The following EVC variants were observed in gnomAD, a reference collection of about 807,000 sequenced individuals.
EVC encodes evC complex member EVC.
A neutral mutation model predicts 118.9 loss-of-function variants in EVC; 116 were observed. The observed-to-expected ratio is 0.98, with a 90% CI of 0.84 to 1.14. The LOEUF is 1.14. Ranked by LOEUF, EVC falls within the 50% of genes most tolerant of loss-of-function variation. The probability of loss-of-function intolerance (pLI) is 0.00; values close to 1 mark genes in which losing one functional copy is unlikely to be tolerated. For synonymous variants in EVC, 619 were observed against 534.7 expected (o/e 1.16, Z -2.18); for missense variants, 1,401 against 1,246.4 (o/e 1.12, Z -1.87).
chr4:5,732,030 C>G (rs1726907741), intron 4 of EVC, among the ~76,000 whole-genome samples: 1 of 152,152 alleles, frequency 6.6e-6, no homozygotes, highest in African/African-American at 2.4e-5. Flanking sequence ...GAGGGGGATC[C>G]TGGGACAAGT....
rs887640119 is a variant in EVC, at chr4:5,742,456, T to C, written c.801+642T>C. ...CATTATCACCACCAGTTTTATTTTG[T>C]ATCACCATCACCACCACTATTACTA... is the stretch of plus-strand genomic sequence containing the variant. On this transcript the variant is annotated intron_variant, in intron 6 of 20. Coordinates refer to ENST00000264956, the MANE Select transcript of EVC (RefSeq NM_153717.3). The surrounding 1 kb of genome is among the most constrained non-coding windows in gnomAD (Gnocchi z 5.2). 9.2e-5 allele frequency among the ~76,000 whole-genome samples: 14 copies of C among 152,134 alleles called. No homozygotes were observed. Among genetic ancestry groups the C allele is most frequent in the African/African-American group, 3.1e-4 (13 of 41,426 alleles).
chr4:5,734,123 T>C (rs991446271), intron 5 of EVC, among the ~76,000 whole-genome samples: 1 of 151,888 alleles, frequency 6.6e-6, no homozygotes, highest in African/African-American at 2.4e-5. Flanking sequence ...GAGAGAGGAG[T>C]CCCACTTTAG....
chr4:5,735,240 G>C (rs1179117494), intron 5 of EVC, among the ~76,000 whole-genome samples: 1 of 152,240 alleles, frequency 6.6e-6, no homozygotes, highest in Non-Finnish European at 1.5e-5. Flanking sequence ...CATCATGCGA[G>C]TGTGAAGGGG....
intron 11 of EVC, among the ~76,000 whole-genome samples, chr4:5,774,648 G>C (rs977840937): frequency 4.6e-5 from 7 of 152,068 alleles, no homozygotes; most frequent in Non-Finnish European, 1.0e-4. Flanking sequence ...AGACAGCTGA[G>C]TGAAGGAGCA....
intron 5 of EVC, among the ~76,000 whole-genome samples, chr4:5,736,279 C>T (rs994638076): frequency 2.8e-5 from 4 of 145,172 alleles, no homozygotes; most frequent in African/African-American, 1.1e-4. Context: ...TTGCATAGAA[C>T]TACACACACA....
downstream of EVC, among the ~76,000 whole-genome samples, chr4:5,814,547 G>A (rs969436903): frequency 2.6e-5 from 4 of 152,252 alleles, no homozygotes; most frequent in Non-Finnish European, 4.4e-5. Context: ...CCTTATGGGC[G>A]GCGTTCCCTG....
At chr4:5,715,044 G>C (rs1244378867) in intron 1 of EVC, among the ~76,000 whole-genome samples, 2 of 151,766 alleles carry the variant, frequency 1.3e-5, no homozygotes, top group Non-Finnish European at 2.9e-5. Context: ...AAACTCCTGG[G>C]CTCAAGCAGT....
Position 5,733,352 on chromosome 4 carries a change from G to A in EVC, c.619G>A (p.Val207Ile). 1.2e-6 allele frequency: 2 copies of A among 1,613,492 alleles called. No homozygotes were observed. Among genetic ancestry groups the A allele is most frequent in the Non-Finnish European group, 1.7e-6 (2 of 1,179,468 alleles). ...AFPEVLACES[V>I]DVDLCIYSLH... is the part of the protein sequence containing the mutation. ...TCCGCTTCTCATTTTATTTTGCAGT[G>A]TAGACGTTGACCTGTGTATCTACAG... Residue 207 changes from valine to isoleucine, a missense_variant and splice_region_variant, in exon 5 of 21, where the codon GTA becomes ATA. Physicochemically the swap from Val to Ile is conservative, Grantham distance 29. Coordinates refer to ENST00000264956, the MANE Select transcript of EVC (RefSeq NM_153717.3).
chr4:5,771,112 A>C (rs1393116387), intron 11 of EVC, among the ~76,000 whole-genome samples: 2 of 152,134 alleles, frequency 1.3e-5, no homozygotes, highest in African/African-American at 4.8e-5. Context: ...ACTATAACTA[A>C]TGACCACAAA....
intron 16 of EVC, among the ~76,000 whole-genome samples, chr4:5,803,603 C>T (rs1715372593): frequency 6.6e-6 from 1 of 152,230 alleles, no homozygotes; most frequent in African/African-American, 2.4e-5. Flanking sequence ...GATACCCCAG[C>T]TCTCATGCAG....
chr4:5,805,895 T>TC, intron 17 of EVC, among the ~76,000 whole-genome samples: 2 of 149,040 alleles, frequency 1.3e-5, no homozygotes, highest in African/African-American at 2.4e-5. Flanking sequence ...TCTTTTCTTT[T>TC]TTTTTTTTTT....
chr4:5,792,974 G>C (rs1577597534), intron 12 of EVC, among the ~76,000 whole-genome samples: 1 of 152,242 alleles, frequency 6.6e-6, no homozygotes, highest in East Asian at 1.9e-4. Context: ...TCTCCAAATT[G>C]ATCTGTAAAA....
chr4:5,781,314 C>A (rs762731655), intron 11 of EVC, among the ~76,000 whole-genome samples: 2 of 152,128 alleles, frequency 1.3e-5, no homozygotes, highest in Non-Finnish European at 2.9e-5. Flanking sequence ...CCTAGCGCGA[C>A]AAAGCCGCTA....
chr4:5,741,836 C>A, intron 6 of EVC, 22 bp downstream of exon 6: 2 of 1,298,634 alleles, frequency 1.5e-6, no homozygotes, highest in East Asian at 2.3e-5. Flanking sequence ...ACCTATGTTT[C>A]AAGGTAACTT....
At position 5,719,278 on chromosome 4, in the gene EVC, T is replaced by G; in HGVS notation, c.205T>G (p.Leu69Val). ...KDDTQNLLKN[L>V]ESNAQTPSET... ...CGACACTCAAAATCTGCTCAAGAAT[T>G]TGGAGTCTAATGCGCAGACCCCCTC... The change falls in exon 2 of 21, where the codon TTG becomes GTG. Residue 69 changes from leucine (L) to valine (V), a missense_variant. Transcript: ENST00000264956. The surrounding 1 kb of genome is among the most constrained non-coding windows in gnomAD (Gnocchi z 4.7). The G allele has an allele frequency of 6.2e-7, 1 of 1,614,086 alleles. No homozygotes were observed. The highest frequency in any genetic ancestry group is 8.5e-7 in the Non-Finnish European group (1 of 1,180,026).
chr4:5,787,408 A>T (rs574778256), intron 12 of EVC, among the ~76,000 whole-genome samples: 1 of 152,352 alleles, frequency 6.6e-6, no homozygotes, highest in African/African-American at 2.4e-5. Flanking sequence ...AAGGGTCCTT[A>T]TAAGTGAAAA....
chr4:5,784,712 A>G (rs1577568878), intron 12 of EVC, among the ~76,000 whole-genome samples: 3 of 144,814 alleles, frequency 2.1e-5, no homozygotes, highest in South Asian at 4.3e-4. Context: ...GGTTCAAGCG[A>G]TTCTCCTGCC....
intron 11 of EVC, among the ~76,000 whole-genome samples, chr4:5,780,487 T>A (rs1388744461): frequency 6.6e-6 from 1 of 152,220 alleles, no homozygotes; most frequent in African/African-American, 2.4e-5. Context: ...TATAATAGAA[T>A]GCCTTGATTG....
chr4:5,817,726 G>A (rs961464050), downstream of EVC, among the ~76,000 whole-genome samples: 7 of 152,156 alleles, frequency 4.6e-5, no homozygotes, highest in Admixed American at 2.0e-4. Flanking sequence ...GGAGGGTTAC[G>A]CACTTACGTC....
Sources: gnomAD v4.1 joint callset for allele counts (sites outside exome capture counted in the v4.1 genomes callset) on GRCh38, gnomAD v4.1.1 for gene constraint, Gnocchi (gnomAD v3.1) non-coding constraint, MANE v1.5 for transcripts, NCBI Gene and HGNC (gene_info 2026-07-23, HGNC 2026-07-21) for gene names.